Variants in ANKS1B observed in about 807,000 individuals in gnomAD.
ANKS1B encodes the protein ankyrin repeat and sterile alpha motif domain containing 1B, also known as ankyrin repeat and sterile alpha motif domain-containing protein 1B.
ANKS1B carries 36 observed loss-of-function variants against 148.3 expected under a neutral mutation model. That is an observed-to-expected ratio of 0.24 (90% CI 0.19 to 0.32). The LOEUF (loss-of-function observed/expected upper bound fraction) is 0.32, where lower values mean the gene tolerates loss of function less well. ANKS1B is among the 10% of genes least tolerant of loss of function. ANKS1B has a pLI of 1.00. For missense variants in ANKS1B, 1,157 were observed against 1,542.6 expected, an observed-to-expected ratio of 0.75 and a Z score of 4.19; for synonymous variants, 542 against 560.8, an observed-to-expected ratio of 0.97 and a Z score of 0.47.
chr12:99,051,068 C>T (rs764515335), intron 17 of ANKS1B, among the ~76,000 whole-genome samples: 1 of 152,102 alleles, frequency 6.6e-6, no homozygotes, highest in Non-Finnish European at 1.5e-5. Flanking sequence ...AGTCCCTAAG[C>T]CCCGGCAGTA....
At chr12:99,752,839 T>C (rs1236609068) in intron 8 of ANKS1B, among the ~76,000 whole-genome samples, 1 of 152,056 alleles carries the variant, frequency 6.6e-6, no homozygotes, top group Non-Finnish European at 1.5e-5. Flanking sequence ...TAGGACACTA[T>C]GTGAATTGCT....
At chr12:98,736,077 G>A (rs989382461) in intron 9 of ANKS1B, among the ~76,000 whole-genome samples, 1 of 152,214 alleles carries the variant, frequency 6.6e-6, no homozygotes, top group Non-Finnish European at 1.5e-5. Flanking sequence ...GAGGCAGAGA[G>A]GAATTGGGGT....
intron 17 of ANKS1B, among the ~76,000 whole-genome samples, chr12:98,957,356 T>TA (rs1334264438): frequency 3.2e-5 from 4 of 125,748 alleles, no homozygotes; most frequent in Non-Finnish European, 6.7e-5. Flanking sequence ...TTTATTTATT[T>TA]ATTTATTTTG....
intron 9 of ANKS1B, among the ~76,000 whole-genome samples, chr12:99,645,246 C>CA (rs1489523790): frequency 1.4e-3 from 220 of 152,312 alleles, no homozygotes; most frequent in African/African-American, 5.1e-3. Context: ...TAATATCTTG[C>CA]CATTTCCTCA....
chr12:99,046,074 T>C (rs2099962110), intron 17 of ANKS1B, among the ~76,000 whole-genome samples: 1 of 152,170 alleles, frequency 6.6e-6, no homozygotes, highest in Non-Finnish European at 1.5e-5. Flanking sequence ...TGAAAACTAT[T>C]CAAATTGGGA....
intron 9 of ANKS1B, among the ~76,000 whole-genome samples, chr12:99,580,063 T>C (rs1225994190): frequency 6.6e-6 from 1 of 152,148 alleles, no homozygotes; most frequent in Non-Finnish European, 1.5e-5. Flanking sequence ...TGGATGCAGC[T>C]AGAAACCATT....
chr12:99,244,907 T>G (rs1026109921), intron 13 of ANKS1B, among the ~76,000 whole-genome samples: 2 of 152,196 alleles, frequency 1.3e-5, no homozygotes, highest in African/African-American at 4.8e-5. Flanking sequence ...CAGGCTACAG[T>G]GCTGTGGCAC....
chr12:99,671,301 G>A (rs944228326), intron 8 of ANKS1B, among the ~76,000 whole-genome samples: 1 of 152,048 alleles, frequency 6.6e-6, no homozygotes, highest in African/African-American at 2.4e-5. Context: ...AAATAGAAAT[G>A]CTTTCAGTGC....
chr12:98,798,926 A>C lies in ANKS1B; in HGVS notation c.3342+8T>G, dbSNP rs766539576. ...GCTACTAGAAATAAAGTAGTTTGGC[A>C]GACTTACCCGCATTTTTGCACAAGC... is the stretch of plus-strand genomic sequence containing the variant. On this transcript the variant is annotated splice_region_variant and intron_variant, in intron 22 of 26. Transcript: ENST00000683438. 2 of 1,609,470 alleles carry C rather than the reference A, an allele frequency of 1.2e-6. No individual in the cohort carries two copies. The highest frequency in any genetic ancestry group is 2.2e-5 in the South Asian group (2 of 90,190).
chr12:99,114,987 T>G (rs1174528958), intron 15 of ANKS1B, among the ~76,000 whole-genome samples: 1 of 152,118 alleles, frequency 6.6e-6, no homozygotes, highest in African/African-American at 2.4e-5. Context: ...CAGACGCTGG[T>G]GAGGTTGCAG....
intron 12 of ANKS1B, among the ~76,000 whole-genome samples, chr12:99,369,658 G>A (rs558984425): frequency 1.3e-5 from 2 of 152,046 alleles, no homozygotes; most frequent in African/African-American, 4.8e-5. Flanking sequence ...AAATATTTAG[G>A]AGTAACATTA....
At chr12:99,216,333 T>C (rs1443655811) in intron 14 of ANKS1B, among the ~76,000 whole-genome samples, 2 of 152,236 alleles carry the variant, frequency 1.3e-5, no homozygotes, top group Non-Finnish European at 2.9e-5. Flanking sequence ...CCTGGGACCC[T>C]GGGCATATTA....
At chr12:99,343,230 A>G (rs949680793) in intron 12 of ANKS1B, among the ~76,000 whole-genome samples, 1 of 152,080 alleles carries the variant, frequency 6.6e-6, no homozygotes, top group African/African-American at 2.4e-5. Context: ...CAGGAGCCAC[A>G]TTCAATGAAG....
In ANKS1B at chr12:98,979,066, C is replaced by T. The variant is rs563455991; in HGVS notation, c.2778+74091G>A. Among the ~76,000 whole-genome samples, 9 of 151,502 alleles carry T rather than the reference C, an allele frequency of 5.9e-5. No homozygotes were observed. In the South Asian group the frequency reaches 1.9e-3, roughly 32 times the overall value. ...CTGAGGCAGGAGAATGGCGTGAACCCGGGAGGCGGAGCTTGCAGTGAGCTG... is the reference window on the plus strand; with the variant it reads ...CTGAGGCAGGAGAATGGCGTGAACCTGGGAGGCGGAGCTTGCAGTGAGCTG... On this transcript the variant is annotated intron_variant, in intron 17 of 26. Coordinates refer to ENST00000683438, the MANE Select transcript of ANKS1B (RefSeq NM_001352186.2).
intron 8 of ANKS1B, among the ~76,000 whole-genome samples, chr12:99,737,044 G>A (rs1473384532): frequency 2.6e-5 from 4 of 152,072 alleles, no homozygotes; most frequent in Non-Finnish European, 5.9e-5. Context: ...ACAGATGCTG[G>A]TGAGAATGCA....
At chr12:99,094,760 G>C (rs780255553) in intron 15 of ANKS1B, among the ~76,000 whole-genome samples, 1 of 152,170 alleles carries the variant, frequency 6.6e-6, no homozygotes, top group African/African-American at 2.4e-5. Flanking sequence ...GGAAAGAAAC[G>C]CAGGAAATAA....
intron 17 of ANKS1B, among the ~76,000 whole-genome samples, chr12:98,850,456 TGCA>T (rs1328820521): frequency 7.2e-6 from 1 of 138,962 alleles, no homozygotes; most frequent in Non-Finnish European, 1.5e-5. Context: ...AGAGAAGCAT[TGCA>T]TTTTTTTTTT....
At chr12:99,017,581 A>G (rs1016265232) in intron 17 of ANKS1B, among the ~76,000 whole-genome samples, 6 of 152,200 alleles carry the variant, frequency 3.9e-5, no homozygotes, top group African/African-American at 1.4e-4. Context: ...TAGACTCAGC[A>G]TACGAAGACT....
At chr12:99,003,612 T>C (rs2099934307) in intron 17 of ANKS1B, among the ~76,000 whole-genome samples, 1 of 152,232 alleles carries the variant, frequency 6.6e-6, no homozygotes, top group Non-Finnish European at 1.5e-5. Context: ...TACAGGAATT[T>C]GAAATTGTAT....
Sources: allele counts gnomAD v4.1 joint callset (sites outside exome capture counted in the v4.1 genomes callset), GRCh38; gene constraint gnomAD v4.1.1; transcripts MANE v1.5; gene names NCBI Gene and HGNC (gene_info 2026-07-23, HGNC 2026-07-21).